Variants in SCRN1 observed in about 807,000 individuals in gnomAD.
SCRN1 encodes the protein secernin 1.
Under a neutral mutation model 43.3 loss-of-function variants are expected in SCRN1, and 19 were observed. The ratio of observed to expected loss-of-function variants is 0.44; its 90% confidence interval spans 0.31 to 0.64. The LOEUF (loss-of-function observed/expected upper bound fraction) is 0.64, where lower values mean the gene tolerates loss of function less well. Ranked by LOEUF, SCRN1 falls within the 30% of genes least tolerant of loss-of-function variation. The pLI is 0.09. For missense variants in SCRN1, 447 were observed against 524.1 expected (o/e 0.85, Z 1.44); for synonymous variants, 183 against 188.9 (o/e 0.97, Z 0.26).
At chr7:29,944,521 G>A (rs903391081) in intron 3 of SCRN1, among the ~76,000 whole-genome samples, 4 of 151,942 alleles carry the variant, frequency 2.6e-5, no homozygotes, top group Non-Finnish European at 5.9e-5. Flanking sequence ...TAATTAGCCA[G>A]GCATGGCGGG....
chr7:29,929,168 A>G (rs771106080), intron 6 of SCRN1, among the ~76,000 whole-genome samples: 14 of 152,326 alleles, frequency 9.2e-5, no homozygotes, highest in African/African-American at 1.4e-4. Flanking sequence ...GAAACCCTTC[A>G]GTGGTAGACA....
chr7:29,978,487 C>T (rs1230395625), intron 1 of SCRN1, among the ~76,000 whole-genome samples: 1 of 152,072 alleles, frequency 6.6e-6, no homozygotes, highest in Non-Finnish European at 1.5e-5. Context: ...CTCACTGATA[C>T]CGCCTGCCTA....
At chr7:29,937,812 T>C (rs920786749) in intron 5 of SCRN1, among the ~76,000 whole-genome samples, 3 of 152,242 alleles carry the variant, frequency 2.0e-5, no homozygotes, top group Admixed American at 6.5e-5. Flanking sequence ...GTGTTCACCA[T>C]GATGGAATTG....
At chr7:29,947,117 G>T in intron 3 of SCRN1, 1 of 1,477,360 alleles carries the variant, frequency 6.8e-7, no homozygotes, top group Non-Finnish European at 9.1e-7. Context: ...ATGGGCCAAG[G>T]TTAGAGTTCC....
chr7:29,942,581 T>A (rs1340255354), intron 4 of SCRN1, among the ~76,000 whole-genome samples: 2 of 152,218 alleles, frequency 1.3e-5, no homozygotes, highest in East Asian at 3.9e-4. Context: ...GGGGTTTTTA[T>A]CAAGGAGTTT....
chr7:29,936,699 C>T lies in SCRN1; in HGVS notation c.762G>A (p.Met254Ile). The change falls in exon 6 of 8, where the codon ATG (methionine) becomes ATA (isoleucine). Residue 254 changes from methionine to isoleucine, a missense_variant. Coordinates refer to ENST00000242059, the MANE Select transcript of SCRN1 (RefSeq NM_014766.5). Reference protein sequence around the residue: ...KQEESITVQTMMNTLRDKASG... With the variant: ...KQEESITVQTIMNTLRDKASG... ...TGGCTTTGTCCCGTAAGGTGTTCAT[C>T]ATAGTCTGCACTGTGATGCTTTCTG... 2 of 1,573,256 alleles carry T rather than the reference C, an allele frequency of 1.3e-6. No individual in the cohort carries two copies. The highest frequency in any genetic ancestry group is 1.3e-5 in the African/African-American group (1 of 74,460).
At position 29,944,252 on chromosome 7, in the gene SCRN1, T is replaced by A. The variant is rs532253936; in HGVS notation, c.342-73A>T. 3.3e-5 allele frequency: 46 copies of A among 1,391,504 alleles called. No homozygotes were observed. In the Middle Eastern group the frequency reaches 1.6e-3, roughly 48 times the overall value. The allele number at this position is 1,391,504 out of a possible 1,614,324, so 86.2% of individuals were successfully genotyped here. On this transcript the variant is annotated intron_variant, in intron 3 of 7. Transcript: ENST00000242059. ...GATTGTTACTAGAGTAACCAAAGACTGGGCAAGGCCGAGTTATGAAGCATG... is the reference window on the plus strand; with the variant it reads ...GATTGTTACTAGAGTAACCAAAGACAGGGCAAGGCCGAGTTATGAAGCATG...
chr7:29,973,618 T>G (rs1788727752), intron 1 of SCRN1, among the ~76,000 whole-genome samples: 1 of 152,236 alleles, frequency 6.6e-6, no homozygotes, highest in African/African-American at 2.4e-5. Context: ...AGTACTTTAG[T>G]GTCTATTTCA....
intron 6 of SCRN1, among the ~76,000 whole-genome samples, chr7:29,934,521 A>G (rs2128087962): frequency 6.6e-6 from 1 of 152,346 alleles, no homozygotes; most frequent in South Asian, 2.1e-4. Context: ...AAATGTCCAT[A>G]TGTACCCCTG....
At chr7:29,935,862 A>AG (rs1403128493) in intron 6 of SCRN1, among the ~76,000 whole-genome samples, 1 of 152,244 alleles carries the variant, frequency 6.6e-6, no homozygotes, top group African/African-American at 2.4e-5. Context: ...ATGTAAAGGT[A>AG]GGGGCTGATA....
intron 3 of SCRN1, among the ~76,000 whole-genome samples, chr7:29,954,264 T>G (rs1317636857): frequency 1.3e-5 from 2 of 152,098 alleles, no homozygotes; most frequent in African/African-American, 4.8e-5. Flanking sequence ...AACTGAGACA[T>G]AGAGAGGAAA....
At chr7:29,932,425 G>C (rs1787186155) in intron 6 of SCRN1, among the ~76,000 whole-genome samples, 1 of 152,088 alleles carries the variant, frequency 6.6e-6, no homozygotes, top group African/African-American at 2.4e-5. Flanking sequence ...GGCGGAGGCA[G>C]GCAGATCACC....
intron 3 of SCRN1, among the ~76,000 whole-genome samples, chr7:29,948,820 G>C (rs1787819020): frequency 6.6e-6 from 1 of 152,222 alleles, no homozygotes; most frequent in Non-Finnish European, 1.5e-5. Flanking sequence ...GAAACTGTTG[G>C]TAGCTTGAAA....
intron 1 of SCRN1, 96 bp from the exon 2 acceptor site, chr7:29,969,164 T>C (rs1788591136): frequency 2.8e-6 from 4 of 1,438,276 alleles, no homozygotes; most frequent in Admixed American, 4.0e-5. Context: ...AAAAGGGTTT[T>C]ACTATTGAAC....
At chr7:29,928,650 CTCA>C (rs1440311618) in intron 6 of SCRN1, among the ~76,000 whole-genome samples, 1 of 152,080 alleles carries the variant, frequency 6.6e-6, no homozygotes, top group East Asian at 1.9e-4. Flanking sequence ...CGCCCACCTG[CTCA>C]AAGTCAAGCC....
At chr7:29,972,349 G>A (rs1366020936) in intron 1 of SCRN1, among the ~76,000 whole-genome samples, 1 of 152,162 alleles carries the variant, frequency 6.6e-6, no homozygotes, top group Non-Finnish European at 1.5e-5. Flanking sequence ...TACTTTATTT[G>A]ATCCTTAAAA....
At chr7:29,949,380 CT>C (rs796277151) in intron 3 of SCRN1, among the ~76,000 whole-genome samples, 6,776 of 135,526 alleles carry the variant, frequency 0.05, 161 homozygotes, top group African/African-American at 0.074. Context: ...TTCCTTCACT[CT>C]TTTTTTTTTT....
chr7:29,959,202 C>T (rs1336212175), intron 2 of SCRN1, among the ~76,000 whole-genome samples: 1 of 152,172 alleles, frequency 6.6e-6, no homozygotes, highest in South Asian at 2.1e-4. Context: ...GCCTTTCGTA[C>T]TGTACTCAAG....
chr7:29,961,351 A>G (rs2128095666), intron 2 of SCRN1, among the ~76,000 whole-genome samples: 1 of 126,214 alleles, frequency 7.9e-6, no homozygotes, highest in African/African-American at 3.0e-5. Flanking sequence ...CCCTGAGTGG[A>G]CACAGCACAT....
Sources: allele counts gnomAD v4.1 joint callset (sites outside exome capture counted in the v4.1 genomes callset), GRCh38; gene constraint gnomAD v4.1.1; transcripts MANE v1.5; gene names NCBI Gene and HGNC (gene_info 2026-07-23, HGNC 2026-07-21).